Variants in SLC22A23 observed in about 807,000 individuals in gnomAD.
The protein encoded by SLC22A23 is solute carrier family 22 member 23.
Under a neutral mutation model 61.0 loss-of-function variants are expected in SLC22A23, and 26 were observed. The ratio of observed to expected loss-of-function variants is 0.43; its 90% confidence interval spans 0.31 to 0.59. SLC22A23 has a LOEUF of 0.59. Among genes scored for constraint, SLC22A23 ranks in the 20% least tolerant of loss-of-function variants. The pLI is 0.11. For missense variants in SLC22A23, 796 were observed against 934.7 expected, an observed-to-expected ratio of 0.85 and a Z score of 1.94; for synonymous variants, 430 against 413.9, an observed-to-expected ratio of 1.04 and a Z score of -0.47.
At chr6:3,282,363 A>T (rs1193123602) in intron 9 of SLC22A23, 3 of 699,840 alleles carry the variant, frequency 4.3e-6, no homozygotes, top group Non-Finnish European at 7.8e-6. Flanking sequence ...GTGCTTAATC[A>T]TACAATGCCT....
At chr6:3,281,067 C>T (rs1759435747) in intron 9 of SLC22A23, among the ~76,000 whole-genome samples, 4 of 152,166 alleles carry the variant, frequency 2.6e-5, no homozygotes, top group Admixed American at 2.6e-4. Context: ...TCCGTGAGGG[C>T]AAAGGAAGCC....
chr6:3,328,779 A>G lies in SLC22A23; in HGVS notation c.914-4777T>C, dbSNP rs899880305. Among the ~76,000 whole-genome samples the G allele has an allele frequency of 6.6e-6, 1 of 151,910 alleles. No individual in the cohort carries two copies. Among genetic ancestry groups the G allele is most frequent in the Non-Finnish European group, 1.5e-5 (1 of 67,992 alleles). On this transcript the variant is annotated intron_variant, in intron 3 of 9. Transcript: ENST00000406686. The surrounding 1 kb of genome is among the most constrained non-coding windows in gnomAD (Gnocchi z 5.0). ...CCAATTCCTCGCAGAAAATCTCTAA[A>G]TATCTCCTGTTGTTTCCTCTTCTCT...
chr6:3,412,988 G>A (rs140525487), intron 2 of SLC22A23, among the ~76,000 whole-genome samples: 1,585 of 152,322 alleles, frequency 0.01, 10 homozygotes, highest in Middle Eastern at 0.017. Context: ...TTGGACTTGT[G>A]AACTGCAGAG....
chr6:3,320,540 C>A (rs1762889496), intron 4 of SLC22A23, among the ~76,000 whole-genome samples: 1 of 152,232 alleles, frequency 6.6e-6, no homozygotes, highest in Non-Finnish European at 1.5e-5. Flanking sequence ...GGAAAGCAAG[C>A]AACTTTCAAT....
intron 1 of SLC22A23, among the ~76,000 whole-genome samples, chr6:3,437,513 T>A (rs1213904878): frequency 6.6e-6 from 1 of 150,912 alleles, no homozygotes; most frequent in Non-Finnish European, 1.5e-5. Flanking sequence ...CCGTCTCTAC[T>A]AAAAACAAAA....
intron 1 of SLC22A23, among the ~76,000 whole-genome samples, chr6:3,423,565 C>T (rs1770287901): frequency 6.6e-6 from 1 of 151,888 alleles, no homozygotes; most frequent in Non-Finnish European, 1.5e-5. Flanking sequence ...AAGAGTAAGC[C>T]CTGTAAGTTA....
intron 3 of SLC22A23, among the ~76,000 whole-genome samples, chr6:3,350,672 A>G (rs899601893): frequency 1.3e-5 from 2 of 152,248 alleles, no homozygotes; most frequent in East Asian, 3.8e-4. Flanking sequence ...CCATTCGTCA[A>G]ACTGGTTGTC....
At chr6:3,402,624 A>G (rs1213196833) in intron 3 of SLC22A23, among the ~76,000 whole-genome samples, 9 of 152,232 alleles carry the variant, frequency 5.9e-5, no homozygotes, top group Non-Finnish European at 1.2e-4. Context: ...CCCAGAGTAC[A>G]CTAGGCTCTT....
intron 1 of SLC22A23, among the ~76,000 whole-genome samples, chr6:3,419,189 G>A (rs941146942): frequency 2.6e-5 from 4 of 152,110 alleles, no homozygotes; most frequent in East Asian, 1.9e-4. Flanking sequence ...TGTCTCTGAC[G>A]TTACCCTAGT....
rs1399122233 is a variant in SLC22A23 at position 3,304,628 on chromosome 6, C to T, written c.1083-6410G>A. 6.6e-6 allele frequency among the ~76,000 whole-genome samples: 1 copy of T among 152,112 alleles called. No individual in the cohort carries two copies. The highest frequency in any genetic ancestry group is 2.1e-4 in the South Asian group (1 of 4,824). On this transcript the variant is annotated intron_variant, in intron 4 of 9. Transcript: ENST00000406686. The surrounding 1 kb of genome is among the most constrained non-coding windows in gnomAD (Gnocchi z 4.3). ...GCGAGTTGGATAGAAGCCCGCATGG[C>T]GTGGGTTGTAGTGGGGGCAGTCCCA...
chr6:3,434,565 C>T (rs575140395), intron 1 of SLC22A23, among the ~76,000 whole-genome samples: 5 of 151,716 alleles, frequency 3.3e-5, no homozygotes, highest in South Asian at 2.1e-4. Flanking sequence ...GCAGAGATCG[C>T]GCCACTGCAC....
At chr6:3,411,581 C>T (rs1453521280) in intron 2 of SLC22A23, among the ~76,000 whole-genome samples, 1 of 151,418 alleles carries the variant, frequency 6.6e-6, no homozygotes, top group East Asian at 1.9e-4. Context: ...CCATTGTGCA[C>T]TTAAAATGGG....
Position 3,329,711 on chromosome 6 carries a change from C to T in SLC22A23, c.914-5709G>A, listed in dbSNP as rs142969545. ...GGTGGTCATGAGAAAACGACACTCA[C>T]GAAGCACTCGAGCGCACCTGGCTCA... On this transcript the variant is annotated intron_variant, in intron 3 of 9. Coordinates refer to ENST00000406686, the MANE Select transcript of SLC22A23 (RefSeq NM_015482.2). This position sits in a 1 kb window ranked among gnomAD's most constrained non-coding sequence, Gnocchi z 4.8. Among the ~76,000 whole-genome samples the T allele has an allele frequency of 1.1e-4, 17 of 152,264 alleles. No homozygotes were observed. Among genetic ancestry groups the T allele is most frequent in the Non-Finnish European group, 2.2e-4 (15 of 68,020 alleles).
At chr6:3,352,191 C>G (rs1291275392) in intron 3 of SLC22A23, among the ~76,000 whole-genome samples, 2 of 152,080 alleles carry the variant, frequency 1.3e-5, no homozygotes, top group Admixed American at 1.3e-4. Flanking sequence ...TGCCTCTTGT[C>G]CTGCTGCTCT....
intron 9 of SLC22A23, among the ~76,000 whole-genome samples, chr6:3,278,495 C>T (rs1478597959): frequency 2.0e-5 from 3 of 152,228 alleles, no homozygotes; most frequent in South Asian, 2.1e-4. Context: ...GTTCATGTGC[C>T]TGTCACCTTA....
intron 3 of SLC22A23, among the ~76,000 whole-genome samples, chr6:3,367,967 C>G (rs1417654879): frequency 6.6e-6 from 1 of 152,182 alleles, no homozygotes; most frequent in Non-Finnish European, 1.5e-5. Context: ...CAGAAATGTC[C>G]ATCTCTCTGC....
chr6:3,329,521 C>T lies in SLC22A23; in HGVS notation c.914-5519G>A, dbSNP rs954841290. On this transcript the variant is annotated intron_variant, in intron 3 of 9. Transcript: ENST00000406686. This position sits in a 1 kb window ranked among gnomAD's most constrained non-coding sequence, Gnocchi z 4.8. The stretch of plus-strand genomic sequence containing the variant: ...ACAGGAATTCACAGAATTGTGCCCG[C>T]GGAACAAAGCGTGCCATGCAGGGTA... 2.6e-5 allele frequency among the ~76,000 whole-genome samples: 4 copies of T among 152,140 alleles called. No individual in the cohort carries two copies. The highest frequency in any genetic ancestry group is 4.1e-4 in the South Asian group (2 of 4,828).
At position 3,327,979 on chromosome 6, in the gene SLC22A23, G is replaced by A. The variant is rs114081479; in HGVS notation, c.914-3977C>T. Among the ~76,000 whole-genome samples the A allele has an allele frequency of 2.9e-3, 448 of 152,174 alleles. 4 individuals carry two copies. The highest frequency in any genetic ancestry group is 0.01 in the African/African-American group (429 of 41,504). ...AAGTTTCAGATTCTAGAGCATTTCA[G>A]ATTTCAGATGTTCTGATTAGGGATG... On this transcript the variant is annotated intron_variant, in intron 3 of 9. Coordinates refer to ENST00000406686, the MANE Select transcript of SLC22A23 (RefSeq NM_015482.2). This position sits in a 1 kb window ranked among gnomAD's most constrained non-coding sequence, Gnocchi z 4.1.
At chr6:3,407,126 A>G (rs1768893991) in intron 3 of SLC22A23, among the ~76,000 whole-genome samples, 1 of 152,232 alleles carries the variant, frequency 6.6e-6, no homozygotes, top group African/African-American at 2.4e-5. Flanking sequence ...GAGGAAGAAA[A>G]GAAGTTGGGG....
Sources: gnomAD v4.1 joint callset for allele counts (sites outside exome capture counted in the v4.1 genomes callset) on GRCh38, gnomAD v4.1.1 for gene constraint, Gnocchi (gnomAD v3.1) non-coding constraint, MANE v1.5 for transcripts, NCBI Gene and HGNC (gene_info 2026-07-23, HGNC 2026-07-21) for gene names.